Variants in CR1 observed in about 807,000 individuals in gnomAD.
CR1 encodes complement receptor type 1.
Under a neutral mutation model 187.3 loss-of-function variants are expected in CR1, and 116 were observed. The observed-to-expected ratio is 0.62, with a 90% CI of 0.53 to 0.72. CR1 has a LOEUF of 0.72. CR1 is among the 30% of genes least tolerant of loss of function. The probability of loss-of-function intolerance (pLI) is 0.00; values close to 1 mark genes in which losing one functional copy is unlikely to be tolerated. For missense variants in CR1, 1,731 were observed against 2,110.7 expected (o/e 0.82, Z 3.52); for synonymous variants, 576 against 747.1 (o/e 0.77, Z 3.73).
At chr1:207,591,200 G>A (rs1661261593) in intron 35 of CR1, among the ~76,000 whole-genome samples, 1 of 152,058 alleles carries the variant, frequency 6.6e-6, no homozygotes, top group South Asian at 2.1e-4. Flanking sequence ...CACATAATTG[G>A]AAGTAAAGCA....
At chr1:207,524,727 A>G (rs960353598) in intron 5 of CR1, among the ~76,000 whole-genome samples, 1 of 151,818 alleles carries the variant, frequency 6.6e-6, no homozygotes, top group Non-Finnish European at 1.5e-5. Flanking sequence ...GACACATCAG[A>G]TAACATTCTG....
In CR1 at chr1:207,526,830, G is replaced by A; in HGVS notation, c.964G>A (p.Val322Met). ...GGACAACTTTTCACCTGGGCAGGAA[G>A]TGTTCTACAGCTGTGAGCCCGGCTA... is the stretch of plus-strand genomic sequence containing the variant. ...DKDNFSPGQE[V>M]FYSCEPGYDL... is the part of the protein sequence containing the mutation. Residue 322 changes from valine (V) to methionine (M), a missense_variant, in exon 6 of 47, where the codon GTG becomes ATG. By Grantham distance (21) the Val-to-Met change is conservative (BLOSUM62 1). Coordinates refer to ENST00000367049, the MANE Select transcript of CR1 (RefSeq NM_000651.6). The A allele has an allele frequency of 2.0e-6, 3 of 1,493,194 alleles. 1 individual carries two copies. The highest frequency in any genetic ancestry group is 2.7e-6 in the Non-Finnish European group (3 of 1,126,984). The allele number at this position is 1,493,194 out of a possible 1,614,324, so 92.5% of individuals were successfully genotyped here. A position where few individuals can be genotyped will look rare whatever the true frequency, so the allele number is the denominator to read the frequency against.
At chr1:207,500,287 G>T (rs910325566) in intron 1 of CR1, among the ~76,000 whole-genome samples, 8 of 152,058 alleles carry the variant, frequency 5.3e-5, no homozygotes, top group Non-Finnish European at 1.2e-4. Context: ...TTATGTTCGT[G>T]TACATATATA....
At chr1:207,634,354 A>G (rs1454970243) in intron 46 of CR1, among the ~76,000 whole-genome samples, 2 of 152,194 alleles carry the variant, frequency 1.3e-5, no homozygotes, top group Non-Finnish European at 2.9e-5. Context: ...TAAGATTAGA[A>G]TTTTGACCAC....
Position 207,575,604 on chromosome 1 carries a change from C to T in CR1, c.4461C>T (p.Leu1487=), listed in dbSNP as rs746948411. 9.9e-6 allele frequency: 16 copies of T among 1,611,840 alleles called. No individual in the cohort carries two copies. The East Asian group carries it at 3.3e-4, about 34-fold the overall frequency. The change falls in exon 28 of 47, where the codon CTC becomes CTT. Residue 1487 remains leucine (L), a synonymous_variant. Coordinates refer to ENST00000367049, the MANE Select transcript of CR1 (RefSeq NM_000651.6). ...INYSCTTGHR[L]IGHSSAECIL... is the part of the protein sequence containing the mutation. Reference sequence around the variant, plus strand: ...CATTTTTTGCCTTTAGGCACCGACTCATTGGTCACTCATCTGCTGAATGTA... The same window carrying T: ...CATTTTTTGCCTTTAGGCACCGACTTATTGGTCACTCATCTGCTGAATGTA...
chr1:207,585,348 C>T (rs946824704), intron 33 of CR1, among the ~76,000 whole-genome samples: 12 of 152,168 alleles, frequency 7.9e-5, no homozygotes, highest in African/African-American at 2.9e-4. Context: ...GGCTAAGTAA[C>T]CAAAAAGACT....
At chr1:207,511,772 T>A in intron 4 of CR1, 118 bp downstream of exon 4, 2 of 918,264 alleles carry the variant, frequency 2.2e-6, no homozygotes, top group Non-Finnish European at 3.3e-6. Flanking sequence ...GGCTGAAGAC[T>A]GCGGTAATGT....
rs1360761953 is a variant in CR1, at chr1:207,564,782, T to TAA, written c.3866+548_3866+549insAA. On this transcript the variant is annotated intron_variant, in intron 23 of 46. Transcript: ENST00000367049. Reference sequence around the variant, plus strand: ...CACCATTGCACTCCAGCGTGAACAATGAGTGAAACTCCATCTCAGGAAAAA... The same window carrying TAA: ...CACCATTGCACTCCAGCGTGAACAATAAGAGTGAAACTCCATCTCAGGAAAAA... Among the ~76,000 whole-genome samples, 10 of 150,088 alleles carry TAA rather than the reference T, an allele frequency of 6.7e-5. No individual in the cohort carries two copies. In the South Asian group the frequency reaches 8.3e-4, roughly 12 times the overall value.
At chr1:207,498,623 A>C (rs1211168539) in intron 1 of CR1, among the ~76,000 whole-genome samples, 1 of 152,176 alleles carries the variant, frequency 6.6e-6, no homozygotes, top group Non-Finnish European at 1.5e-5. Context: ...TCATGCCCAT[A>C]ATCCCAGCAC....
At chr1:207,516,553 TAA>T (rs1044394975) in intron 4 of CR1, among the ~76,000 whole-genome samples, 20 of 152,324 alleles carry the variant, frequency 1.3e-4, no homozygotes, top group Admixed American at 5.9e-4. Context: ...GAATTTGTAT[TAA>T]GTTTCTGTTG....
intron 44 of CR1, among the ~76,000 whole-genome samples, chr1:207,622,499 G>A (rs2102404861): frequency 6.6e-6 from 1 of 152,294 alleles, no homozygotes; most frequent in South Asian, 2.1e-4. Context: ...TTACGCATCT[G>A]GACACTGAGA....
At position 207,522,477 on chromosome 1, in the gene CR1, G is replaced by A. The variant is rs191425705; in HGVS notation, c.488-1134G>A. On this transcript the variant is annotated intron_variant, in intron 4 of 46. Transcript: ENST00000367049. ...CATGAGAAAATCAAAAGTCTGTTCA[G>A]CCTCTCAGTTGCCCCGTCCTGATTC... Among the ~76,000 whole-genome samples the A allele has an allele frequency of 6.6e-5, 10 of 152,250 alleles. No individual in the cohort carries two copies. In the East Asian group the frequency reaches 1.9e-3, roughly 29 times the overall value.
chr1:207,597,235 A>T (rs2102367331), intron 35 of CR1, among the ~76,000 whole-genome samples: 1 of 152,282 alleles, frequency 6.6e-6, no homozygotes, highest in East Asian at 1.9e-4. Context: ...AAAAGGAAAG[A>T]ACACTATAAG....
rs1660485644 is a variant in CR1, at chr1:207,566,069, G to T, written c.3952+146G>T. On this transcript the variant is annotated intron_variant, in intron 24 of 46. Coordinates refer to ENST00000367049, the MANE Select transcript of CR1 (RefSeq NM_000651.6). ...GTTTATTTTAATAATGTTTGGTTGT[G>T]AATCAATATGTACATCACCTGTCTT... The T allele has an allele frequency of 1.0e-5, 12 of 1,146,838 alleles. No individual in the cohort carries two copies. The South Asian group carries it at 1.8e-4, about 18-fold the overall frequency. 71.0% of individuals were successfully genotyped at this position (1,146,838 alleles called of 1,614,324 possible).
At chr1:207,632,219 T>G (rs971413002) in intron 46 of CR1, among the ~76,000 whole-genome samples, 1 of 152,238 alleles carries the variant, frequency 6.6e-6, no homozygotes, top group Non-Finnish European at 1.5e-5. Context: ...ATTGCTTTTT[T>G]AAAATTCAGA....
At chr1:207,622,946 G>A in intron 44 of CR1, 47 bp from the exon 45 acceptor site, 3 of 1,353,598 alleles carry the variant, frequency 2.2e-6, no homozygotes, top group East Asian at 2.5e-5. Flanking sequence ...TTTAAAACCT[G>A]TAAGTTATAT....
At chr1:207,634,169 G>T (rs1432628207) in intron 46 of CR1, among the ~76,000 whole-genome samples, 1 of 152,068 alleles carries the variant, frequency 6.6e-6, no homozygotes, top group Non-Finnish European at 1.5e-5. Context: ...CAGGGGATGC[G>T]ATGGCTTGGC....
At chr1:207,523,462 G>A in intron 4 of CR1, 149 bp from the exon 5 acceptor site, 1 of 1,380,280 alleles carries the variant, frequency 7.2e-7, no homozygotes, top group Non-Finnish European at 9.8e-7. Context: ...GCCCATTGAA[G>A]CTACAACTTT....
At chr1:207,611,154 A>G (rs1315171777) in intron 37 of CR1, among the ~76,000 whole-genome samples, 1 of 151,770 alleles carries the variant, frequency 6.6e-6, no homozygotes, top group Non-Finnish European at 1.5e-5. Flanking sequence ...GGCTTAAAAC[A>G]TGGAGTGGGA....
Sources: allele counts gnomAD v4.1 joint callset (sites outside exome capture counted in the v4.1 genomes callset), GRCh38; gene constraint gnomAD v4.1.1; transcripts MANE v1.5; gene names NCBI Gene and HGNC (gene_info 2026-07-23, HGNC 2026-07-21).